GRIK4: variants seen among roughly 807,000 people sequenced by gnomAD.
The protein encoded by GRIK4 is glutamate ionotropic receptor kainate type subunit 4, also known as glutamate receptor ionotropic, kainate 4.
In GRIK4, 40 loss-of-function variants were observed where a neutral mutation model predicts 104.9. The observed-to-expected ratio is 0.38, with a 90% CI of 0.30 to 0.50. The LOEUF is 0.50. GRIK4 is among the 20% of genes least tolerant of loss of function. GRIK4 has a pLI of 0.93. For synonymous variants in GRIK4, 485 were observed against 524.9 expected, an observed-to-expected ratio of 0.92 and a Z score of 1.04; for missense variants, 1,047 against 1,308.1, an observed-to-expected ratio of 0.80 and a Z score of 3.08.
chr11:120,962,777 T>C (rs1944313553), intron 18 of GRIK4, 96 bp downstream of exon 18: 4 of 774,720 alleles, frequency 5.2e-6, no homozygotes, highest in Non-Finnish European at 8.7e-6. Flanking sequence ...CAGTACCCCC[T>C]GTTGTTAGAA....
At chr11:120,740,668 C>G (rs927973060) in intron 3 of GRIK4, among the ~76,000 whole-genome samples, 8 of 152,184 alleles carry the variant, frequency 5.3e-5, no homozygotes, top group African/African-American at 1.7e-4. Flanking sequence ...GGAGTTTACC[C>G]CAGTCTCTGT....
intron 1 of GRIK4, among the ~76,000 whole-genome samples, chr11:120,565,742 C>T (rs931330569): frequency 2.0e-5 from 3 of 152,164 alleles, no homozygotes; most frequent in Non-Finnish European, 2.9e-5. Context: ...TTACTCCTGC[C>T]CCCTGGCTCT....
intron 1 of GRIK4, among the ~76,000 whole-genome samples, chr11:120,532,930 T>G (rs1400970987): frequency 6.6e-6 from 1 of 152,192 alleles, no homozygotes; most frequent in East Asian, 1.9e-4. Context: ...ATCCGTCTAT[T>G]CACCAGGCCC....
intron 1 of GRIK4, among the ~76,000 whole-genome samples, chr11:120,617,248 AG>A (rs1949128683): frequency 1.3e-5 from 2 of 152,352 alleles, no homozygotes; most frequent in East Asian, 3.9e-4. Flanking sequence ...TTGTTTTCTT[AG>A]TACCTAGCTT....
chr11:120,846,433 T>C (rs2135591339), intron 8 of GRIK4, among the ~76,000 whole-genome samples: 1 of 152,290 alleles, frequency 6.6e-6, no homozygotes, highest in Middle Eastern at 3.4e-3. Flanking sequence ...ATGTAGTTCT[T>C]CTTTGGGAGT....
rs548131362 is a variant in GRIK4 at position 120,624,960 on chromosome 11, C to G, written c.-158-28725C>G. ...GGTATGAAAATTATAGACTAGCAAT[C>G]ATGCGCCTCATTTTAAATAAACATG... is the stretch of plus-strand genomic sequence containing the variant. On this transcript the variant is annotated intron_variant, in intron 1 of 20. Coordinates refer to ENST00000527524, the MANE Select transcript of GRIK4 (RefSeq NM_014619.5). 2.2e-4 allele frequency among the ~76,000 whole-genome samples: 33 copies of G among 152,300 alleles called. No homozygotes were observed. The South Asian group carries it at 6.6e-3, about 31-fold the overall frequency.
chr11:120,878,613 GCCC>G (rs67957802), intron 11 of GRIK4, among the ~76,000 whole-genome samples: 1 of 134,424 alleles, frequency 7.4e-6, no homozygotes, highest in African/African-American at 2.9e-5. Flanking sequence ...TTTATGCCCC[GCCC>G]CCCCCCCTTT....
chr11:120,612,821 G>A (rs1474232274), intron 1 of GRIK4, among the ~76,000 whole-genome samples: 1 of 152,232 alleles, frequency 6.6e-6, no homozygotes, highest in Admixed American at 6.5e-5. Flanking sequence ...CTCTGGGTGG[G>A]TCAGACAGAG....
intron 1 of GRIK4, among the ~76,000 whole-genome samples, chr11:120,604,548 C>T (rs566776426): frequency 1.3e-5 from 2 of 152,290 alleles, no homozygotes; most frequent in East Asian, 1.9e-4. Context: ...TCACAGTCAT[C>T]GCCCAGCAGT....
intron 1 of GRIK4, among the ~76,000 whole-genome samples, chr11:120,598,138 T>A (rs1373535339): frequency 1.3e-5 from 2 of 152,146 alleles, no homozygotes; most frequent in Non-Finnish European, 2.9e-5. Flanking sequence ...TCTTCTGGAA[T>A]CAAGGTGGAA....
chr11:120,522,571 T>A (rs1947808856), intron 1 of GRIK4, among the ~76,000 whole-genome samples: 1 of 152,120 alleles, frequency 6.6e-6, no homozygotes, highest in Non-Finnish European at 1.5e-5. Context: ...TCCGCCCGCC[T>A]TGGCCTCCCA....
At chr11:120,965,900 G>A (rs373419122) in intron 18 of GRIK4, among the ~76,000 whole-genome samples, 2 of 152,148 alleles carry the variant, frequency 1.3e-5, no homozygotes, top group African/African-American at 2.4e-5. Flanking sequence ...GATCCTTCAT[G>A]GTAGCCTTTC....
intron 3 of GRIK4, among the ~76,000 whole-genome samples, chr11:120,742,845 C>T (rs189173043): frequency 6.6e-6 from 1 of 152,208 alleles, no homozygotes; most frequent in Non-Finnish European, 1.5e-5. Flanking sequence ...TTCACTACAG[C>T]AAAGACATGG....
At position 120,967,142 on chromosome 11, in the gene GRIK4, ACC is replaced by A; in HGVS notation, c.2267-52_2267-51del. On this transcript the variant is annotated intron_variant, in intron 18 of 20. Transcript: ENST00000527524. The surrounding 1 kb of genome is among the most constrained non-coding windows in gnomAD (Gnocchi z 4.2). ...GTGCCGGGAAGGGGAGCAGAGTGAC[ACC>A]TAACAGGGCATTCACAACCTGTGTC... The A allele has an allele frequency of 6.4e-7, 1 of 1,568,740 alleles. No homozygotes were observed. The highest frequency in any genetic ancestry group is 8.7e-7 in the Non-Finnish European group (1 of 1,155,480).
chr11:120,954,821 A>C (rs1944100284), intron 15 of GRIK4, among the ~76,000 whole-genome samples: 1 of 63,744 alleles, frequency 1.6e-5, no homozygotes, highest in Admixed American at 1.7e-4. Flanking sequence ...ACACACACAC[A>C]CACACACACA....
At position 120,861,972 on chromosome 11, in the gene GRIK4, A is replaced by G; in HGVS notation, c.758A>G (p.Gln253Arg). 6.2e-7 allele frequency: 1 copy of G among 1,613,232 alleles called. No individual in the cohort carries two copies. The highest frequency in any genetic ancestry group is 8.5e-7 in the Non-Finnish European group (1 of 1,179,160). ...GGGTCTTTCCAGGAGTTCTCACTCC[A>G]GAGAATGGACAGCCTTGTGGATGAT... is the stretch of plus-strand genomic sequence containing the variant. ...YIFTNLEFSL[Q>R]RMDSLVDDRV... is the part of the protein sequence containing the mutation. Residue 253 changes from glutamine to arginine, a missense_variant, in exon 9 of 21, where the codon CAG (glutamine) becomes CGG (arginine). Transcript: ENST00000527524.
chr11:120,848,394 C>G (rs1953899976), intron 8 of GRIK4, among the ~76,000 whole-genome samples: 1 of 152,190 alleles, frequency 6.6e-6, no homozygotes, highest in African/African-American at 2.4e-5. Context: ...GGCTCTGGTT[C>G]AGGGGGCATT....
chr11:120,579,494 T>C (rs1252218477), intron 1 of GRIK4, among the ~76,000 whole-genome samples: 3 of 152,172 alleles, frequency 2.0e-5, no homozygotes, highest in Non-Finnish European at 4.4e-5. Flanking sequence ...ATGCTGGCCT[T>C]GTGTGCCAGG....
At chr11:120,768,485 C>T (rs879557522) in intron 3 of GRIK4, among the ~76,000 whole-genome samples, 6 of 152,042 alleles carry the variant, frequency 3.9e-5, no homozygotes, top group Admixed American at 2.0e-4. Context: ...AGGATCATGT[C>T]GTCTGTAAGT....
Sources: gnomAD v4.1 joint callset for allele counts (sites outside exome capture counted in the v4.1 genomes callset) on GRCh38, gnomAD v4.1.1 for gene constraint, Gnocchi (gnomAD v3.1) non-coding constraint, MANE v1.5 for transcripts, NCBI Gene and HGNC (gene_info 2026-07-23, HGNC 2026-07-21) for gene names.